The following SERINC5 variants were observed in gnomAD, a reference collection of about 807,000 sequenced individuals.
The protein encoded by SERINC5 is serine incorporator 5, also known as chromosome 5 open reading frame 12.
SERINC5 carries 41 observed loss-of-function variants against 63.1 expected under a neutral mutation model. The observed-to-expected ratio is 0.65, with a 90% confidence interval of 0.51 to 0.84. The LOEUF is 0.84. Ranked by LOEUF, SERINC5 falls within the 40% of genes least tolerant of loss-of-function variation. The pLI is 0.00. For synonymous variants in SERINC5, 222 were observed against 215.2 expected, an observed-to-expected ratio of 1.03 and a Z score of -0.28; for missense variants, 523 against 573.0, an observed-to-expected ratio of 0.91 and a Z score of 0.89.
intron 6 of SERINC5, among the ~76,000 whole-genome samples, chr5:80,167,813 T>C (rs1747401515): frequency 6.6e-6 from 1 of 152,208 alleles, no homozygotes; most frequent in Non-Finnish European, 1.5e-5. Context: ...AAGGGATCTC[T>C]CTTTCTTTCC....
chr5:80,139,782 G>C lies in SERINC5; in HGVS notation c.*3881C>G. 1 of 985,434 alleles carries C rather than the reference G, an allele frequency of 1.0e-6. No homozygotes were observed. The highest frequency in any genetic ancestry group is 1.2e-6 in the Non-Finnish European group (1 of 829,930). 61.0% of individuals were successfully genotyped at this position (985,434 alleles called of 1,614,324 possible). On this transcript the variant is annotated 3_prime_UTR_variant, in exon 12 of 12. Transcript: ENST00000507668. Reference sequence around the variant, plus strand: ...GGCTACTGCATTGTCCCTGAAGAAGGAGGGCCCAGTGTTCTTTCTGGGTGT... The same window carrying C: ...GGCTACTGCATTGTCCCTGAAGAAGCAGGGCCCAGTGTTCTTTCTGGGTGT...
At chr5:80,244,166 C>G (rs961855568) in intron 1 of SERINC5, among the ~76,000 whole-genome samples, 1 of 151,860 alleles carries the variant, frequency 6.6e-6, no homozygotes, top group Non-Finnish European at 1.5e-5. Context: ...AGCTCCCCAG[C>G]ATTTCTCTAC....
chr5:80,256,046 C>T lies in SERINC5; in HGVS notation c.-124G>A, dbSNP rs1429680035. 1.6e-5 allele frequency: 17 copies of T among 1,082,832 alleles called. No homozygotes were observed. Among genetic ancestry groups the T allele is most frequent in the Non-Finnish European group, 2.1e-5 (17 of 804,810 alleles). The allele number at this position is 1,082,832 out of a possible 1,614,324, so 67.1% of individuals were successfully genotyped here. On this transcript the variant is annotated 5_prime_UTR_variant, in exon 1 of 12. Transcript: ENST00000507668. The stretch of plus-strand genomic sequence containing the variant: ...ACACTTGAACGAAGATCAGCCTCGG[C>T]GAAGCGCCTAGGCGCCGAGGCCTGG...
intron 1 of SERINC5, among the ~76,000 whole-genome samples, chr5:80,204,069 A>G (rs2112494319): frequency 6.6e-6 from 1 of 152,344 alleles, no homozygotes; most frequent in Non-Finnish European, 1.5e-5. Context: ...CAAGGGAACG[A>G]TGCTCTGGCG....
intron 1 of SERINC5, among the ~76,000 whole-genome samples, chr5:80,239,478 T>C (rs1464603218): frequency 4.6e-5 from 7 of 151,796 alleles, no homozygotes; most frequent in Non-Finnish European, 1.0e-4. Context: ...TTTTTTTTTT[T>C]TTTTTTCATG....
In SERINC5 at chr5:80,174,974, T is replaced by C. The variant is rs776967724; in HGVS notation, c.531A>G (p.Ala177=). ...GIQLLLLVEF[A]HKWNKNWTAG... ...CACACCAGTTCTTGTTCCACTTATG[T>C]GCAAACTCCACGAGCAGGAGGAGCT... The change falls in exon 5 of 12, where the codon GCA becomes GCG. Residue 177 remains alanine (A), a synonymous_variant. Coordinates refer to ENST00000507668, the MANE Select transcript of SERINC5 (RefSeq NM_001174072.3). 6.2e-6 allele frequency: 10 copies of C among 1,601,416 alleles called. No homozygotes were observed. In the African/African-American group the frequency reaches 1.1e-4, roughly 17 times the overall value.
Position 80,169,563 on chromosome 5 carries a change from TG to T in SERINC5, c.552-18del. 6.3e-7 allele frequency: 1 copy of T among 1,599,002 alleles called. No homozygotes were observed. The highest frequency in any genetic ancestry group is 8.5e-7 in the Non-Finnish European group (1 of 1,171,218). On this transcript the variant is annotated intron_variant, in intron 5 of 11. Coordinates refer to ENST00000507668, the MANE Select transcript of SERINC5 (RefSeq NM_001174072.3). ...CCTGCTGTCCTGTTTCTCCGGGAAG[TG>T]GGTAAGAGGGAGAGGAGAGAAGACA...
intron 1 of SERINC5, among the ~76,000 whole-genome samples, chr5:80,250,784 C>T (rs1271453144): frequency 6.6e-6 from 1 of 152,214 alleles, no homozygotes; most frequent in African/African-American, 2.4e-5. Context: ...AAAGGCCACA[C>T]AGCTGGCCTA....
At chr5:80,226,987 CCGGG>C (rs1429390507) in intron 1 of SERINC5, among the ~76,000 whole-genome samples, 2 of 152,132 alleles carry the variant, frequency 1.3e-5, no homozygotes, top group African/African-American at 4.8e-5. Context: ...CCTCCACCTC[CCGGG>C]TTCAAACAAT....
chr5:80,184,528 C>T (rs1748680267), intron 2 of SERINC5, among the ~76,000 whole-genome samples: 1 of 152,162 alleles, frequency 6.6e-6, no homozygotes, highest in African/African-American at 2.4e-5. Flanking sequence ...AGTACATTGA[C>T]ACTGTATATT....
At position 80,153,965 on chromosome 5, in the gene SERINC5, G is replaced by GA. The variant is rs1746351121; in HGVS notation, c.987-3018dup. 2.0e-5 allele frequency among the ~76,000 whole-genome samples: 3 copies of GA among 152,294 alleles called. No individual in the cohort carries two copies. In the South Asian group the frequency reaches 6.2e-4, roughly 32 times the overall value. On this transcript the variant is annotated intron_variant, in intron 8 of 11. Transcript: ENST00000507668. ...GCTGGCCAAAGTCCACTAGACCACA[G>GA]AAAATCTCTAAATAACACGTCCAAA...
chr5:80,233,223 C>T (rs1411602978), intron 1 of SERINC5, among the ~76,000 whole-genome samples: 1 of 152,138 alleles, frequency 6.6e-6, no homozygotes, highest in Non-Finnish European at 1.5e-5. Flanking sequence ...GTCGAGAGTT[C>T]GAGACCAGCC....
chr5:80,212,294 G>A (rs1165358570), intron 1 of SERINC5, among the ~76,000 whole-genome samples: 1 of 152,144 alleles, frequency 6.6e-6, no homozygotes, highest in East Asian at 1.9e-4. Context: ...CATGCTGGGA[G>A]GTTATAGTAC....
At chr5:80,229,207 A>G (rs1751320309) in intron 1 of SERINC5, among the ~76,000 whole-genome samples, 1 of 151,776 alleles carries the variant, frequency 6.6e-6, no homozygotes, top group Non-Finnish European at 1.5e-5. Flanking sequence ...TATTTTTAGT[A>G]GAGATGGGGT....
At chr5:80,229,341 A>ATT (rs59664490) in intron 1 of SERINC5, among the ~76,000 whole-genome samples, 19,208 of 120,070 alleles carry the variant, frequency 0.16, 2,121 homozygotes, top group African/African-American at 0.31. Context: ...TACTTACACA[A>ATT]TTTTTTTTTT....
intron 1 of SERINC5, among the ~76,000 whole-genome samples, chr5:80,232,108 A>G (rs1270400398): frequency 6.6e-6 from 1 of 150,930 alleles, no homozygotes; most frequent in Non-Finnish European, 1.5e-5. Context: ...TCTTAAAAAA[A>G]AAAAAAAAAA....
At position 80,177,365 on chromosome 5, in the gene SERINC5, G is replaced by GC; in HGVS notation, c.406dup (p.Ala136GlyfsTer44). 6.2e-7 allele frequency: 1 copy of GC among 1,613,622 alleles called. No individual in the cohort carries two copies. The highest frequency in any genetic ancestry group is 8.5e-7 in the Non-Finnish European group (1 of 1,179,618). ...AATGAAGAAAGCTCCTGAGCACATG[G>GC]CCCCCAACAGCAGAAGTTTAAAGAA... On this transcript the variant is annotated frameshift_variant, in exon 4 of 12. Coordinates refer to ENST00000507668, the MANE Select transcript of SERINC5 (RefSeq NM_001174072.3). LOFTEE classifies it high-confidence loss of function.
chr5:80,238,943 C>T (rs1000194520), intron 1 of SERINC5, among the ~76,000 whole-genome samples: 1 of 152,190 alleles, frequency 6.6e-6, no homozygotes, highest in Non-Finnish European at 1.5e-5. Context: ...TTCACGCTCT[C>T]GTCATTTACC....
At chr5:80,204,491 G>A (rs1183284920) in intron 1 of SERINC5, among the ~76,000 whole-genome samples, 2 of 152,142 alleles carry the variant, frequency 1.3e-5, no homozygotes, top group Admixed American at 6.5e-5. Flanking sequence ...ATTCTTCCCA[G>A]GTACCTTGAC....
Sources: allele counts gnomAD v4.1 joint callset (sites outside exome capture counted in the v4.1 genomes callset), GRCh38; gene constraint gnomAD v4.1.1; transcripts MANE v1.5; gene names NCBI Gene and HGNC (gene_info 2026-07-23, HGNC 2026-07-21).